NXPH1: variants seen among roughly 807,000 people sequenced by gnomAD.
NXPH1 encodes the protein neurexophilin-1.
A neutral mutation model predicts 23.7 loss-of-function variants in NXPH1; 5 were observed. The observed-to-expected ratio is 0.21, with a 90% CI of 0.11 to 0.44. The LOEUF is 0.44. Ranked by LOEUF, NXPH1 falls within the 20% of genes least tolerant of loss-of-function variation. The pLI, the probability that NXPH1 is intolerant of heterozygous loss-of-function variation, is 0.99. For synonymous variants in NXPH1, 144 were observed against 122.2 expected (o/e 1.18, Z -1.18); for missense variants, 324 against 321.6 (o/e 1.01, Z -0.06).
rs150219239 is a variant in NXPH1, at chr7:8,502,010, T to C, written c.54+66243T>C. 9.1e-4 allele frequency among the ~76,000 whole-genome samples: 134 copies of C among 147,572 alleles called. 2 individuals are homozygous for C. Among genetic ancestry groups the C allele is most frequent in the African/African-American group, 3.0e-3 (124 of 40,820 alleles). ...GAGTTTGGAGTGATCTTGTTGCTTG[T>C]TAATGGGGGAGTTAACAGAGTGGAG... On this transcript the variant is annotated intron_variant, in intron 2 of 2. Coordinates refer to ENST00000405863, the MANE Select transcript of NXPH1 (RefSeq NM_152745.3).
At chr7:8,745,443 G>A (rs1780450650) in intron 2 of NXPH1, among the ~76,000 whole-genome samples, 1 of 151,484 alleles carries the variant, frequency 6.6e-6, no homozygotes, top group South Asian at 2.1e-4. Flanking sequence ...CCTGGGGGGT[G>A]GGGGTGGGTG....
At chr7:8,663,157 G>A (rs1416707316) in intron 2 of NXPH1, among the ~76,000 whole-genome samples, 1 of 152,068 alleles carries the variant, frequency 6.6e-6, no homozygotes, top group Non-Finnish European at 1.5e-5. Context: ...GAGTCATTTA[G>A]TATACATGGA....
At chr7:8,571,284 A>G (rs1365700847) in intron 2 of NXPH1, among the ~76,000 whole-genome samples, 1 of 151,882 alleles carries the variant, frequency 6.6e-6, no homozygotes, top group East Asian at 1.9e-4. Flanking sequence ...GATATATTTA[A>G]GAAGTGGAAC....
At chr7:8,724,274 G>A (rs940974578) in intron 2 of NXPH1, among the ~76,000 whole-genome samples, 1 of 152,196 alleles carries the variant, frequency 6.6e-6, no homozygotes, top group Non-Finnish European at 1.5e-5. Flanking sequence ...AATAGAGGCA[G>A]CTGTCATATG....
intron 2 of NXPH1, among the ~76,000 whole-genome samples, chr7:8,461,340 A>G (rs576184776): frequency 1.4e-4 from 22 of 152,200 alleles, no homozygotes; most frequent in Non-Finnish European, 2.9e-4. Flanking sequence ...CAGTTGAAGA[A>G]AGAGTAACTT....
chr7:8,497,136 T>C (rs1817351502), intron 2 of NXPH1, among the ~76,000 whole-genome samples: 1 of 152,094 alleles, frequency 6.6e-6, no homozygotes, highest in Non-Finnish European at 1.5e-5. Context: ...CTTGCGATAG[T>C]TTTCTCAGAA....
At chr7:8,737,552 G>T (rs2115224131) in intron 2 of NXPH1, among the ~76,000 whole-genome samples, 1 of 152,188 alleles carries the variant, frequency 6.6e-6, no homozygotes, top group South Asian at 2.1e-4. Flanking sequence ...TTTCTCTCTG[G>T]CTGCCCTTAA....
chr7:8,441,206 C>G (rs531462964), intron 2 of NXPH1, among the ~76,000 whole-genome samples: 2 of 152,224 alleles, frequency 1.3e-5, no homozygotes, highest in East Asian at 3.9e-4. Flanking sequence ...GTTGGGTCAG[C>G]GGCTTCATGG....
chr7:8,738,522 A>G (rs901858980), intron 2 of NXPH1, among the ~76,000 whole-genome samples: 1 of 152,144 alleles, frequency 6.6e-6, no homozygotes, highest in Non-Finnish European at 1.5e-5. Context: ...CACCTGCCAG[A>G]TACCAGCTGG....
chr7:8,691,952 T>C (rs1821227987), intron 2 of NXPH1, among the ~76,000 whole-genome samples: 1 of 152,094 alleles, frequency 6.6e-6, no homozygotes, highest in East Asian at 1.9e-4. Flanking sequence ...GTTAAGCTAA[T>C]GTCTGAGTGA....
chr7:8,599,590 C>T (rs571408927), intron 2 of NXPH1, among the ~76,000 whole-genome samples: 2 of 152,186 alleles, frequency 1.3e-5, no homozygotes, highest in East Asian at 1.9e-4. Flanking sequence ...GATTTTCACC[C>T]GTTTGTCTTA....
At chr7:8,735,491 T>C (rs1388361519) in intron 2 of NXPH1, among the ~76,000 whole-genome samples, 2 of 152,222 alleles carry the variant, frequency 1.3e-5, no homozygotes, top group African/African-American at 4.8e-5. Context: ...TGAAGCCGAC[T>C]TGATCATGGT....
At chr7:8,644,235 T>C (rs1311377152) in intron 2 of NXPH1, among the ~76,000 whole-genome samples, 2 of 152,188 alleles carry the variant, frequency 1.3e-5, no homozygotes, top group Non-Finnish European at 2.9e-5. Flanking sequence ...TGTTCCTAGA[T>C]GTTTTGGTTT....
At chr7:8,674,236 A>C (rs1351466517) in intron 2 of NXPH1, among the ~76,000 whole-genome samples, 1 of 151,462 alleles carries the variant, frequency 6.6e-6, no homozygotes, top group Non-Finnish European at 1.5e-5. Flanking sequence ...GCAATTCTGC[A>C]AGGCAGATAT....
intron 2 of NXPH1, among the ~76,000 whole-genome samples, chr7:8,596,846 C>T (rs920503998): frequency 6.6e-6 from 1 of 152,030 alleles, no homozygotes; most frequent in Non-Finnish European, 1.5e-5. Flanking sequence ...TTGAAGAGCT[C>T]ACCTTCTAAT....
At chr7:8,615,990 C>T (rs1021954600) in intron 2 of NXPH1, among the ~76,000 whole-genome samples, 7 of 152,092 alleles carry the variant, frequency 4.6e-5, no homozygotes, top group African/African-American at 7.2e-5. Flanking sequence ...GCTTATTCTC[C>T]GCATAGCAGC....
intron 2 of NXPH1, among the ~76,000 whole-genome samples, chr7:8,504,002 A>G (rs951716662): frequency 6.6e-6 from 1 of 151,950 alleles, no homozygotes; most frequent in Non-Finnish European, 1.5e-5. Context: ...ACTAGTGCCT[A>G]TTCTTCTGCC....
chr7:8,650,957 CATA>C (rs2115152016), intron 2 of NXPH1, among the ~76,000 whole-genome samples: 1 of 152,102 alleles, frequency 6.6e-6, no homozygotes, highest in East Asian at 1.9e-4. Context: ...TCATTTGAGA[CATA>C]ATATTTATTT....
intron 2 of NXPH1, among the ~76,000 whole-genome samples, chr7:8,673,856 A>C (rs914144246): frequency 6.6e-6 from 1 of 152,178 alleles, no homozygotes; most frequent in Non-Finnish European, 1.5e-5. Context: ...TTTATGGCTA[A>C]CATGGATTGA....
Sources: gnomAD v4.1 joint callset for allele counts (sites outside exome capture counted in the v4.1 genomes callset) on GRCh38, gnomAD v4.1.1 for gene constraint, MANE v1.5 for transcripts, NCBI Gene and HGNC (gene_info 2026-07-23, HGNC 2026-07-21) for gene names.